The following GZMK variants were observed in gnomAD, a reference collection of about 807,000 sequenced individuals.
GZMK encodes the protein NK-Tryp-2.
GZMK carries 18 observed loss-of-function variants against 22.8 expected under a neutral mutation model. That is an observed-to-expected ratio of 0.79 (90% CI 0.54 to 1.17). The LOEUF (loss-of-function observed/expected upper bound fraction) is 1.17. GZMK is among the 50% of genes most tolerant of loss of function. The probability of loss-of-function intolerance (pLI) is 0.00; values close to 1 mark genes in which losing one functional copy is unlikely to be tolerated. For missense variants in GZMK, 342 were observed against 320.2 expected, an observed-to-expected ratio of 1.07 and a Z score of -0.52; for synonymous variants, 136 against 115.0, an observed-to-expected ratio of 1.18 and a Z score of -1.17.
intron 4 of GZMK, 71 bp downstream of exon 4, chr5:55,031,704 A>G (rs1741238117): frequency 7.9e-7 from 1 of 1,272,678 alleles, no homozygotes; most frequent in Middle Eastern, 1.9e-4. Context: ...GCTCACTGAC[A>G]CTGAGGAGGA....
intron 2 of GZMK, among the ~76,000 whole-genome samples, chr5:55,027,800 C>G (rs752889949): frequency 2.4e-4 from 37 of 152,216 alleles, no homozygotes; most frequent in Non-Finnish European, 1.6e-4. Flanking sequence ...ACATTTTAAA[C>G]CAACACCTCC....
rs1741281564 is a variant in GZMK, at chr5:55,034,187, G to A, written c.*261G>A. 3.1e-5 allele frequency: 12 copies of A among 381,422 alleles called. No individual in the cohort carries two copies. Among genetic ancestry groups the A allele is most frequent in the East Asian group, 2.4e-4 (5 of 20,754 alleles). The allele number at this position is 381,422 out of a possible 1,614,324, so 23.6% of individuals were successfully genotyped here. A position where few individuals can be genotyped will look rare whatever the true frequency, so the allele number is the denominator to read the frequency against. On this transcript the variant is annotated 3_prime_UTR_variant, in exon 5 of 5. Coordinates refer to ENST00000231009, the MANE Select transcript of GZMK (RefSeq NM_002104.3). ...ATCTGCCCCCATTGCACCCACACTC[G>A]CCAAAGGGCAATAAGGTCACTGAAT...
intron 4 of GZMK, chr5:55,032,810 T>C (rs1448662037): frequency 6.6e-6 from 1 of 152,228 alleles, no homozygotes; most frequent in Admixed American, 6.5e-5. Context: ...AAAATAGGTG[T>C]TCATGTTTGT....
chr5:55,031,425 C>G lies in GZMK; in HGVS notation c.425C>G (p.Ser142Cys), dbSNP rs1741230331. The change falls in exon 4 of 5, where the codon TCT becomes TGT. Residue 142 changes from serine (S) to cysteine (C), a missense_variant. By Grantham distance (112) the Ser-to-Cys change is moderately radical. Coordinates refer to ENST00000231009, the MANE Select transcript of GZMK (RefSeq NM_002104.3). ...ATGCTCCACATAAGATCCAAAACCTCTCTTAGATCTGGAACCAAATGCAAG... is the reference window on the plus strand; with the variant it reads ...ATGCTCCACATAAGATCCAAAACCTGTCTTAGATCTGGAACCAAATGCAAG... ...VKMLHIRSKT[S>C]LRSGTKCKVT... 1 of 1,613,058 alleles carries G rather than the reference C, an allele frequency of 6.2e-7. No homozygotes were observed. The highest frequency in any genetic ancestry group is 1.1e-5 in the South Asian group (1 of 91,076).
At position 55,031,448 on chromosome 5, in the gene GZMK, A is replaced by C. The variant is rs759664624; in HGVS notation, c.448A>C (p.Lys150Gln). ...CTCTCTTAGATCTGGAACCAAATGC[A>C]AGGTTACTGGCTGGGGAGCCACCGA... is the stretch of plus-strand genomic sequence containing the variant. ...KTSLRSGTKC[K>Q]VTGWGATDPD... The change falls in exon 4 of 5, where the codon AAG (lysine) becomes CAG (glutamine). Residue 150 changes from lysine (K) to glutamine (Q), a missense_variant. By Grantham distance (53) the Lys-to-Gln change is moderately conservative. Transcript: ENST00000231009. 2 of 1,613,750 alleles carry C rather than the reference A, an allele frequency of 1.2e-6. No homozygotes were observed. The highest frequency in any genetic ancestry group is 1.7e-5 in the Admixed American group (1 of 60,008).
In GZMK at chr5:55,031,571, C is replaced by A; in HGVS notation, c.571C>A (p.Pro191Thr). 2 of 1,613,746 alleles carry A rather than the reference C, an allele frequency of 1.2e-6. No homozygotes were observed. The highest frequency in any genetic ancestry group is 1.7e-6 in the Non-Finnish European group (2 of 1,179,656). ...CNSQSYYNGD[P>T]FITKDMVCAG... ...CAGCCAAAGTTACTACAACGGCGAC[C>A]CTTTTATCACCAAAGACATGGTCTG... The change falls in exon 4 of 5, where the codon CCT becomes ACT. Residue 191 changes from proline (P) to threonine (T), a missense_variant. Transcript: ENST00000231009.
chr5:55,025,880 G>C (rs1342286699), intron 2 of GZMK: 1 of 152,150 alleles, frequency 6.6e-6, no homozygotes, highest in African/African-American at 2.4e-5. Context: ...CTGCAAACTG[G>C]GAGATCTTCT....
chr5:55,032,578 A>C (rs185252360), intron 4 of GZMK: 1 of 152,360 alleles, frequency 6.6e-6, no homozygotes, highest in Admixed American at 6.5e-5. Context: ...CAAAAAATAC[A>C]AAAATTAGCC....
chr5:55,030,462 G>A lies in GZMK; in HGVS notation c.241G>A (p.Val81Ile). The part of the protein sequence containing the change: ...RFTKGQSPTV[V>I]LGAHSLSKNE... ...TACCAAAGGCCAGTCTCCCACTGTG[G>A]TTTTAGGCGCACACTCTCTCTCAAA... Residue 81 changes from valine (V) to isoleucine (I), a missense_variant, in exon 3 of 5, where the codon GTT becomes ATT. Coordinates refer to ENST00000231009, the MANE Select transcript of GZMK (RefSeq NM_002104.3). 6.2e-7 allele frequency: 1 copy of A among 1,613,858 alleles called. No individual in the cohort carries two copies. The highest frequency in any genetic ancestry group is 8.5e-7 in the Non-Finnish European group (1 of 1,179,912).
In GZMK at chr5:55,033,759, T is replaced by C. The variant is rs1464916646; in HGVS notation, c.634-6T>C. On this transcript the variant is annotated splice_region_variant and splice_polypyrimidine_tract_variant and intron_variant, in intron 4 of 4. Transcript: ENST00000231009. ...ACCACGTATTTGCCCTTTTTCTTCC[T>C]TCCAGGGTGACTCAGGGGGCCCCTT... 3.1e-6 allele frequency: 5 copies of C among 1,592,486 alleles called. No homozygotes were observed. The South Asian group carries it at 3.5e-5, about 11-fold the overall frequency.
intron 4 of GZMK, among the ~76,000 whole-genome samples, chr5:55,033,030 G>A (rs1373279071): frequency 2.6e-5 from 4 of 152,158 alleles, no homozygotes; most frequent in Non-Finnish European, 4.4e-5. Context: ...TTTGCAATGT[G>A]AACATTAGCA....
In GZMK at chr5:55,033,802, TC is replaced by T. The variant is rs1419737360; in HGVS notation, c.673del (p.His225ThrfsTer3). ...GGCCCCTTGATCTGTAAAGGTGTCT[TC>T]CACGCTATAGTCTCTGGAGGTCATG... is the stretch of plus-strand genomic sequence containing the variant. ...SGGPLICKGV[F>X]HAIVSGGHEC... On this transcript the variant is annotated frameshift_variant, in exon 5 of 5. Coordinates refer to ENST00000231009, the MANE Select transcript of GZMK (RefSeq NM_002104.3). LOFTEE classifies it low-confidence loss of function (END_TRUNC). The T allele has an allele frequency of 3.8e-5, 62 of 1,613,508 alleles. No homozygotes were observed. Among genetic ancestry groups the T allele is most frequent in the Non-Finnish European group, 5.3e-5 (62 of 1,179,822 alleles).
At chr5:55,032,629 G>A (rs1188890815) in intron 4 of GZMK, 1 of 152,220 alleles carries the variant, frequency 6.6e-6, no homozygotes, top group East Asian at 1.9e-4. Flanking sequence ...CTACTCAGGA[G>A]GCTGAGGGGG....
rs145379080 is a variant in GZMK, at chr5:55,029,403, C to A, written c.213-1031C>A. Among the ~76,000 whole-genome samples the A allele has an allele frequency of 2.5e-3, 385 of 152,240 alleles. 4 individuals carry two copies. The highest frequency in any genetic ancestry group is 8.5e-3 in the African/African-American group (355 of 41,530). On this transcript the variant is annotated intron_variant, in intron 2 of 4. Transcript: ENST00000231009. ...CTTGAGGAAAGTTTTCCTTTCTTGT[C>A]CAAATCTTTGTTCTAATTGAGGGGA...
chr5:55,028,090 A>G (rs888156507), intron 2 of GZMK: 3 of 152,226 alleles, frequency 2.0e-5, no homozygotes, highest in African/African-American at 7.2e-5. Context: ...CAGTGGAGAC[A>G]AAAATAACCA....
In GZMK at chr5:55,024,278, G is replaced by A. The variant is rs761275798; in HGVS notation, c.-45G>A. The stretch of plus-strand genomic sequence containing the variant: ...TTCAGAATCTTCTTCCTTCATCACA[G>A]GATCAACACATTTCATCTGGGCTTC... On this transcript the variant is annotated 5_prime_UTR_variant, in exon 1 of 5. Transcript: ENST00000231009. The A allele has an allele frequency of 1.1e-6, 1 of 916,042 alleles. No homozygotes were observed. The highest frequency in any genetic ancestry group is 1.8e-6 in the Non-Finnish European group (1 of 550,096). The allele number at this position is 916,042 out of a possible 1,614,324, so 56.7% of individuals were successfully genotyped here.
intron 2 of GZMK, among the ~76,000 whole-genome samples, chr5:55,025,996 C>G (rs1226644778): frequency 1.3e-5 from 2 of 152,244 alleles, no homozygotes; most frequent in Non-Finnish European, 2.9e-5. Context: ...CATCACTTCT[C>G]TCTTCTCCAG....
chr5:55,030,357 C>T, intron 2 of GZMK, 77 bp from the exon 3 acceptor site: 1 of 1,342,822 alleles, frequency 7.4e-7, no homozygotes, highest in South Asian at 1.3e-5. Context: ...GTGTATACAA[C>T]CCTCTCGACC....
rs113108192 is a variant in GZMK at position 55,029,130 on chromosome 5, G to C, written c.213-1304G>C. On this transcript the variant is annotated intron_variant, in intron 2 of 4. Coordinates refer to ENST00000231009, the MANE Select transcript of GZMK (RefSeq NM_002104.3). ...CAAGCCTGTAGTCCCAGCCTCTCGG[G>C]AGGCTGAGGCAGGAGAATCGCTTGA... Among the ~76,000 whole-genome samples, 1,268 of 152,222 alleles carry C rather than the reference G, an allele frequency of 8.3e-3. 9 individuals are homozygous for C. The highest frequency in any genetic ancestry group is 0.014 in the Middle Eastern group (4 of 294).
Sources: allele counts gnomAD v4.1 joint callset (sites outside exome capture counted in the v4.1 genomes callset), GRCh38; gene constraint gnomAD v4.1.1; transcripts MANE v1.5; gene names NCBI Gene and HGNC (gene_info 2026-07-23, HGNC 2026-07-21).